Variants in CNTN4 observed in about 807,000 individuals in gnomAD.
CNTN4 encodes contactin 4, also known as contactin-4.
A neutral mutation model predicts 122.5 loss-of-function variants in CNTN4; 77 were observed. That is an observed-to-expected ratio of 0.63 (90% CI 0.52 to 0.76). CNTN4 has a LOEUF of 0.76. Ranked by LOEUF, CNTN4 falls within the 30% of genes least tolerant of loss-of-function variation. The pLI is 0.00. For missense variants in CNTN4, 1,256 were observed against 1,259.1 expected, an observed-to-expected ratio of 1.00 and a Z score of 0.04; for synonymous variants, 512 against 447.0, an observed-to-expected ratio of 1.15 and a Z score of -1.83.
chr3:2,837,230 G>A (rs1239690788), intron 7 of CNTN4, among the ~76,000 whole-genome samples: 2 of 152,176 alleles, frequency 1.3e-5, no homozygotes. Context: ...GCCTTTCGGG[G>A]AGGAAGATGT....
chr3:2,820,685 C>G (rs2092843566), intron 7 of CNTN4, among the ~76,000 whole-genome samples: 1 of 151,986 alleles, frequency 6.6e-6, no homozygotes, highest in Admixed American at 6.6e-5. Context: ...TTGAAAAGGG[C>G]CTATTTATGA....
At chr3:2,704,210 T>C (rs1180521056) in intron 4 of CNTN4, among the ~76,000 whole-genome samples, 1 of 147,794 alleles carries the variant, frequency 6.8e-6, no homozygotes, top group East Asian at 2.0e-4. Context: ...GGCAGGAGAA[T>C]TGCTGGAACC....
At chr3:2,334,995 A>G (rs1178542) in intron 2 of CNTN4, among the ~76,000 whole-genome samples, 114,470 of 152,108 alleles carry the variant, frequency 0.75, 43,514 homozygotes, top group East Asian at 0.95. Context: ...TTTGACCTAG[A>G]CCTTGCCAGC....
At chr3:2,174,103 G>A (rs532595167) in intron 2 of CNTN4, among the ~76,000 whole-genome samples, 139 of 152,252 alleles carry the variant, frequency 9.1e-4, no homozygotes, top group Non-Finnish European at 1.8e-3. Context: ...TTGAATAAGG[G>A]AATGATAAGG....
intron 2 of CNTN4, among the ~76,000 whole-genome samples, chr3:2,251,053 C>T (rs1319945097): frequency 6.6e-6 from 1 of 151,524 alleles, no homozygotes; most frequent in East Asian, 1.9e-4. Flanking sequence ...TTAAAAATAC[C>T]AAATAAGAAT....
chr3:2,328,288 C>T (rs991614661), intron 2 of CNTN4, among the ~76,000 whole-genome samples: 8 of 150,690 alleles, frequency 5.3e-5, no homozygotes, highest in Non-Finnish European at 1.0e-4. Context: ...CGCCTGTAGT[C>T]CCAGCTACTC....
At chr3:2,851,114 T>C (rs776053415) in intron 7 of CNTN4, among the ~76,000 whole-genome samples, 13 of 152,218 alleles carry the variant, frequency 8.5e-5, no homozygotes, top group Non-Finnish European at 1.8e-4. Context: ...TTGCCACTAT[T>C]ACAGAGGGAT....
At chr3:2,403,678 T>C (rs1224430491) in intron 3 of CNTN4, among the ~76,000 whole-genome samples, 1 of 152,148 alleles carries the variant, frequency 6.6e-6, no homozygotes, top group Non-Finnish European at 1.5e-5. Context: ...CTGCTGATTG[T>C]TTATATTTTT....
At chr3:2,799,186 A>G (rs1016246907) in intron 6 of CNTN4, among the ~76,000 whole-genome samples, 1 of 152,052 alleles carries the variant, frequency 6.6e-6, no homozygotes, top group African/African-American at 2.4e-5. Flanking sequence ...GTAGGGTTAT[A>G]TAGGTTTTTG....
chr3:2,287,775 GA>G (rs1559416326), intron 2 of CNTN4, among the ~76,000 whole-genome samples: 1 of 148,494 alleles, frequency 6.7e-6, no homozygotes, highest in Admixed American at 6.7e-5. Context: ...AGAAGAAGAA[GA>G]AGGAGAAGAA....
chr3:2,617,913 A>G (rs1274274375), intron 4 of CNTN4, among the ~76,000 whole-genome samples: 2 of 152,212 alleles, frequency 1.3e-5, no homozygotes, highest in Non-Finnish European at 2.9e-5. Context: ...TATAAAAAAT[A>G]TTTGTCATAT....
At chr3:3,026,829 T>G (rs1698761558) in intron 15 of CNTN4, among the ~76,000 whole-genome samples, 1 of 152,286 alleles carries the variant, frequency 6.6e-6, no homozygotes, top group South Asian at 2.1e-4. Context: ...TCAAAATGCC[T>G]TCCTTTCCAT....
At chr3:2,144,663 C>G (rs1028178105) in intron 2 of CNTN4, among the ~76,000 whole-genome samples, 2 of 152,210 alleles carry the variant, frequency 1.3e-5, no homozygotes, top group Admixed American at 1.3e-4. Flanking sequence ...TCTGACCCCA[C>G]ATCCTAATGT....
At chr3:2,264,455 T>C (rs77909781) in intron 2 of CNTN4, among the ~76,000 whole-genome samples, 15,366 of 152,174 alleles carry the variant, frequency 0.1, 935 homozygotes, top group Middle Eastern at 0.16. Context: ...GCCTATTTTT[T>C]AATGACATTA....
chr3:2,992,258 A>T (rs116983849), intron 14 of CNTN4, among the ~76,000 whole-genome samples: 6 of 152,328 alleles, frequency 3.9e-5, no homozygotes, highest in African/African-American at 1.4e-4. Context: ...GCTCTTGATT[A>T]TCATCCCATC....
chr3:2,785,146 TAGAGAG>T lies in CNTN4; in HGVS notation c.359-34322_359-34317del, dbSNP rs111372866. ...ACACACACACACACACACATATATA[TAGAGAG>T]AGAGAGAGAGAGAGAGATTTAATAT... On this transcript the variant is annotated intron_variant, in intron 6 of 24. Coordinates refer to ENST00000418658, the MANE Select transcript of CNTN4 (RefSeq NM_175607.3). Among the ~76,000 whole-genome samples, 155 of 151,022 alleles carry T rather than the reference TAGAGAG, an allele frequency of 1.0e-3. No homozygotes were observed. The South Asian group carries it at 0.013, about 12-fold the overall frequency.
rs543045387 is a variant in CNTN4 at position 2,951,487 on chromosome 3, C to T, written c.1358+25708C>T. Among the ~76,000 whole-genome samples, 10 of 152,322 alleles carry T rather than the reference C, an allele frequency of 6.6e-5. No individual in the cohort carries two copies. In the South Asian group the frequency reaches 1.7e-3, roughly 25 times the overall value. On this transcript the variant is annotated intron_variant, in intron 13 of 24. Transcript: ENST00000418658. Reference sequence around the variant, plus strand: ...TCCTGCTGTGCCACCTGGTTCCTAACAGGCCATGGACCAGTACCAGTCTGT... The same window carrying T: ...TCCTGCTGTGCCACCTGGTTCCTAATAGGCCATGGACCAGTACCAGTCTGT...
chr3:3,052,267 T>C (rs922910041), intron 23 of CNTN4, among the ~76,000 whole-genome samples: 1 of 152,150 alleles, frequency 6.6e-6, no homozygotes, highest in African/African-American at 2.4e-5. Context: ...GAGTTCTTTG[T>C]TGCGGGGCTG....
chr3:2,559,015 C>T (rs1194629047), intron 3 of CNTN4, among the ~76,000 whole-genome samples: 2 of 152,104 alleles, frequency 1.3e-5, no homozygotes, highest in East Asian at 1.9e-4. Flanking sequence ...AGTGTTTGCC[C>T]GATTTGGCCT....
Sources: allele counts gnomAD v4.1 joint callset (sites outside exome capture counted in the v4.1 genomes callset), GRCh38; gene constraint gnomAD v4.1.1; transcripts MANE v1.5; gene names NCBI Gene and HGNC (gene_info 2026-07-23, HGNC 2026-07-21).